Variants in NAALADL2 observed in about 807,000 individuals in gnomAD.
NAALADL2 encodes inactive N-acetylated-alpha-linked acidic dipeptidase-like protein 2.
In NAALADL2, 76 loss-of-function variants were observed where a neutral mutation model predicts 87.2. The observed-to-expected ratio is 0.87, with a 90% CI of 0.72 to 1.05. The LOEUF (loss-of-function observed/expected upper bound fraction) is 1.05, where lower values mean the gene tolerates loss of function less well. Among genes scored for constraint, NAALADL2 ranks in the 50% least tolerant of loss-of-function variants. NAALADL2 has a pLI of 0.00. For missense variants in NAALADL2, 1,089 were observed against 945.8 expected (o/e 1.15, Z -1.99); for synonymous variants, 354 against 331.0 (o/e 1.07, Z -0.75).
chr3:175,368,633 A>C (rs566838574), intron 5 of NAALADL2, among the ~76,000 whole-genome samples: 31 of 151,706 alleles, frequency 2.0e-4, no homozygotes, highest in Non-Finnish European at 3.5e-4. Context: ...AAATACGTTC[A>C]TGTGCCATTT....
intron 2 of NAALADL2, among the ~76,000 whole-genome samples, chr3:175,231,604 A>G (rs1581028536): frequency 6.6e-6 from 1 of 152,114 alleles, no homozygotes; most frequent in Admixed American, 6.6e-5. Flanking sequence ...TGCTTGCACC[A>G]TAAAGCAACT....
chr3:175,623,130 G>A lies in NAALADL2; in HGVS notation c.1801-4161G>A, dbSNP rs186822548. 1.5e-4 allele frequency among the ~76,000 whole-genome samples: 23 copies of A among 152,166 alleles called. No homozygotes were observed. In the East Asian group the frequency reaches 3.7e-3, roughly 24 times the overall value. On this transcript the variant is annotated intron_variant, in intron 10 of 13. Coordinates refer to ENST00000454872, the MANE Select transcript of NAALADL2 (RefSeq NM_207015.3). ...ATGTCCCATAGAAAGGTTGTTTTACGTTGAGGGATAATTTATGCATAAAAA... is the reference window on the plus strand; with the variant it reads ...ATGTCCCATAGAAAGGTTGTTTTACATTGAGGGATAATTTATGCATAAAAA...
At chr3:175,611,404 T>C (rs1724630712) in intron 10 of NAALADL2, among the ~76,000 whole-genome samples, 2 of 152,104 alleles carry the variant, frequency 1.3e-5, no homozygotes, top group African/African-American at 4.8e-5. Context: ...TCTATTTTTT[T>C]TCCAACTTGA....
rs554886776 is a variant in NAALADL2, at chr3:175,747,162, A to C, written c.1991-8058A>C. 3.3e-5 allele frequency among the ~76,000 whole-genome samples: 5 copies of C among 152,182 alleles called. No homozygotes were observed. In the South Asian group the frequency reaches 8.3e-4, roughly 25 times the overall value. The stretch of plus-strand genomic sequence containing the variant: ...TCCCACCATTTCTCTTTGAACTCAT[A>C]TTTATTATCACCTAATGTCCCTTAA... On this transcript the variant is annotated intron_variant, in intron 12 of 13. Transcript: ENST00000454872.
intron 1 of NAALADL2, among the ~76,000 whole-genome samples, chr3:174,529,050 T>A (rs1049201509): frequency 6.6e-6 from 1 of 152,098 alleles, no homozygotes; most frequent in Non-Finnish European, 1.5e-5. Flanking sequence ...AACTCAAAAG[T>A]CCACAGTCCA....
At chr3:174,654,808 T>G (rs1363657074) in intron 2 of NAALADL2, among the ~76,000 whole-genome samples, 1 of 152,230 alleles carries the variant, frequency 6.6e-6, no homozygotes, top group Non-Finnish European at 1.5e-5. Flanking sequence ...CCATCTCCAC[T>G]CACTGCAAGC....
chr3:175,058,579 G>A (rs1347575363), intron 1 of NAALADL2, among the ~76,000 whole-genome samples: 2 of 152,044 alleles, frequency 1.3e-5, no homozygotes, highest in East Asian at 3.9e-4. Flanking sequence ...ATAAGTCGGG[G>A]GGTGCATAAT....
intron 5 of NAALADL2, among the ~76,000 whole-genome samples, chr3:175,427,459 A>C (rs1286266107): frequency 1.3e-5 from 2 of 152,188 alleles, no homozygotes; most frequent in African/African-American, 4.8e-5. Context: ...GATTCACGTT[A>C]TATACAGTAA....
At chr3:175,023,143 G>C (rs1751774819) in intron 1 of NAALADL2, among the ~76,000 whole-genome samples, 1 of 151,962 alleles carries the variant, frequency 6.6e-6, no homozygotes, top group Non-Finnish European at 1.5e-5. Context: ...AATAACAAAA[G>C]ACCACTCTGG....
At chr3:175,609,449 G>A (rs1724279858) in intron 10 of NAALADL2, 2 of 152,106 alleles carry the variant, frequency 1.3e-5, no homozygotes, top group African/African-American at 2.4e-5. Context: ...TATGGAATAT[G>A]TTTCTTTCCT....
At position 174,797,310 on chromosome 3, in the gene NAALADL2, T is replaced by TC. The variant is rs1321238075; in HGVS notation, c.-9+59564_-9+59565insC. Among the ~76,000 whole-genome samples, 64 of 119,732 alleles carry TC rather than the reference T, an allele frequency of 5.3e-4. 1 individual carries two copies. In the Middle Eastern group the frequency reaches 0.023, roughly 43 times the overall value. The allele number at this position is 119,732 out of a possible 152,430, so 78.5% of individuals were successfully genotyped here. ...TTCTTTTGTTTTTCTTTTTTCTTTT[T>TC]TTTTTTTTTTTTTTTTTTTGAGACA... On this transcript the variant is annotated intron_variant, in intron 3 of 3. Transcript: ENST00000434257.
chr3:174,534,663 T>G (rs1172452185), intron 1 of NAALADL2, among the ~76,000 whole-genome samples: 1 of 152,168 alleles, frequency 6.6e-6, no homozygotes, highest in Non-Finnish European at 1.5e-5. Flanking sequence ...TAGCTATGGC[T>G]AACATATATA....
chr3:175,257,082 A>T (rs1232885337), intron 4 of NAALADL2: 1 of 152,022 alleles, frequency 6.6e-6, no homozygotes, highest in African/African-American at 2.4e-5. Flanking sequence ...TTTGAATGGA[A>T]GTTTATTAAC....
intron 2 of NAALADL2, among the ~76,000 whole-genome samples, chr3:174,625,850 C>A (rs1400956605): frequency 1.3e-5 from 2 of 151,886 alleles, no homozygotes; most frequent in African/African-American, 2.4e-5. Flanking sequence ...ATATTCACAC[C>A]TGTGCGCATA....
At position 175,110,853 on chromosome 3, in the gene NAALADL2, C is replaced by T. The variant is rs1724070183; in HGVS notation, c.545+13562C>T. On this transcript the variant is annotated intron_variant, in intron 2 of 13. Transcript: ENST00000454872. ...AAAAACGTTTAGTAAATCTGGGTAA[C>T]AATTTGGGGTCAAAGAAACAAGATG... 2.6e-5 allele frequency among the ~76,000 whole-genome samples: 4 copies of T among 151,452 alleles called. No homozygotes were observed. The Admixed American group carries it at 2.6e-4, about 10-fold the overall frequency.
intron 11 of NAALADL2, among the ~76,000 whole-genome samples, chr3:175,722,417 T>A (rs1162361197): frequency 6.6e-6 from 1 of 152,178 alleles, no homozygotes. Flanking sequence ...AGGCACCTCT[T>A]AATCTGCCTA....
At chr3:175,324,084 T>G in intron 4 of NAALADL2, 91 bp from the exon 5 acceptor site, 1 of 787,568 alleles carries the variant, frequency 1.3e-6, no homozygotes. Flanking sequence ...GGAAAAAGAG[T>G]CATCTTATCA....
At chr3:175,394,333 A>G (rs1451997761) in intron 5 of NAALADL2, among the ~76,000 whole-genome samples, 1 of 152,212 alleles carries the variant, frequency 6.6e-6, no homozygotes, top group Admixed American at 6.5e-5. Context: ...TTAACAATGC[A>G]TTGTATATTT....
intron 3 of NAALADL2, among the ~76,000 whole-genome samples, chr3:174,794,848 A>G (rs1009756960): frequency 4.6e-5 from 7 of 152,128 alleles, no homozygotes; most frequent in Non-Finnish European, 8.8e-5. Context: ...GCTTACTAAA[A>G]AAATCATGAT....
Sources: gnomAD v4.1 joint callset for allele counts (sites outside exome capture counted in the v4.1 genomes callset) on GRCh38, gnomAD v4.1.1 for gene constraint, MANE v1.5 for transcripts, NCBI Gene and HGNC (gene_info 2026-07-23, HGNC 2026-07-21) for gene names.